The following PACRGL variants were observed in gnomAD, a reference collection of about 807,000 sequenced individuals.
PACRGL encodes PACRG-like protein.
In PACRGL, 38 loss-of-function variants were observed where a neutral mutation model predicts 34.5. That is an observed-to-expected ratio of 1.10 (90% confidence interval 0.85 to 1.44). The LOEUF is 1.44. Among genes scored for constraint, PACRGL ranks in the 40% most tolerant of loss-of-function variants. PACRGL has a pLI of 0.00. For synonymous variants in PACRGL, 128 were observed against 100.1 expected, an observed-to-expected ratio of 1.28 and a Z score of -1.66; for missense variants, 305 against 281.4, an observed-to-expected ratio of 1.08 and a Z score of -0.60.
At chr4:20,710,871 T>C (rs183511766) in intron 5 of PACRGL, among the ~76,000 whole-genome samples, 196 of 152,244 alleles carry the variant, frequency 1.3e-3, no homozygotes, top group African/African-American at 4.2e-3. Flanking sequence ...GTAGCCTATT[T>C]TGAAATTCAG....
chr4:20,732,273 A>C lies in PACRGL; in HGVS notation c.*4932A>C, dbSNP rs577775522. On this transcript the variant is annotated 3_prime_UTR_variant, in exon 9 of 9. Transcript: ENST00000503585. ...TTCTGGCTTTTCCCTTTTCAATATA[A>C]TGTGGTGAAGATGTAGAGTCACTCT... Among the ~76,000 whole-genome samples the C allele has an allele frequency of 3.2e-4, 48 of 152,274 alleles. No individual in the cohort carries two copies. In the South Asian group the frequency reaches 9.7e-3, roughly 31 times the overall value.
rs1161884614 is a variant in PACRGL, at chr4:20,743,844, T to C, written c.*57-8721T>C. On this transcript the variant is annotated intron_variant, in intron 8 of 8. Coordinates refer to the PACRGL transcript ENST00000507634. ...CAGAGTGAACAGGCAACCTACAAAA[T>C]GGGAGAAAATTTTCGCAACCTACTC... Among the ~76,000 whole-genome samples, 3 of 151,110 alleles carry C rather than the reference T, an allele frequency of 2.0e-5. No homozygotes were observed. In the East Asian group the frequency reaches 5.8e-4, roughly 29 times the overall value.
chr4:20,699,743 A>G (rs1731515487), upstream of PACRGL, among the ~76,000 whole-genome samples: 2 of 152,184 alleles, frequency 1.3e-5, no homozygotes, highest in African/African-American at 4.8e-5. Context: ...AACTATGACA[A>G]CCCAAATTGT....
In PACRGL at chr4:20,728,605, G is replaced by A. The variant is rs1040059553; in HGVS notation, c.*1264G>A. On this transcript the variant is annotated 3_prime_UTR_variant, in exon 9 of 9. Transcript: ENST00000503585. ...TTGGAAAAGACCTGTAACATAGACA[G>A]TAGAGTTATAAACATTTTATTTTGC... 6.6e-6 allele frequency: 1 copy of A among 152,562 alleles called. No individual in the cohort carries two copies. The highest frequency in any genetic ancestry group is 2.4e-5 in the African/African-American group (1 of 41,444). 9.5% of individuals were successfully genotyped at this position (152,562 alleles called of 1,614,324 possible).
downstream of PACRGL, chr4:20,732,676 C>A (rs1004714378): frequency 6.3e-7 from 1 of 1,593,968 alleles, no homozygotes; most frequent in African/African-American, 1.3e-5. Flanking sequence ...TGTTTTAATT[C>A]CTACCTGAAA....
the PACRGL span, among the ~76,000 whole-genome samples, chr4:20,761,489 G>A: frequency 1.3e-5 from 2 of 152,156 alleles, no homozygotes; most frequent in Non-Finnish European, 2.9e-5. Context: ...CTCACACATG[G>A]AAATTGTGAT....
Position 20,732,106 on chromosome 4 carries a change from T to C in PACRGL, c.*4765T>C, listed in dbSNP as rs759695011. ...AAAACAAAAATTGTATTTAGACTTA[T>C]CCCTTAATACCCTCACACCTGGACC... On this transcript the variant is annotated 3_prime_UTR_variant, in exon 9 of 9. Transcript: ENST00000503585. 7.1e-6 allele frequency: 10 copies of C among 1,402,966 alleles called. No individual in the cohort carries two copies. Among genetic ancestry groups the C allele is most frequent in the East Asian group, 2.3e-5 (1 of 43,822 alleles). The allele number at this position is 1,402,966 out of a possible 1,614,324, so 86.9% of individuals were successfully genotyped here. A position where few individuals can be genotyped will look rare whatever the true frequency, so the allele number is the denominator to read the frequency against.
chr4:20,750,286 AACCAGGCTAGCCCTCAGCCAGT>A (rs1211434509), intron 8 of PACRGL, among the ~76,000 whole-genome samples: 1 of 152,086 alleles, frequency 6.6e-6, no homozygotes, highest in Non-Finnish European at 1.5e-5. Flanking sequence ...TGACTCTGAG[AACCAGGCTAGCCCTCAGCCAGT>A]ACCAGGCTAG....
At chr4:20,736,329 C>G (rs1191541671), downstream of PACRGL, among the ~76,000 whole-genome samples, 2 of 151,928 alleles carry the variant, frequency 1.3e-5, no homozygotes, top group African/African-American at 2.4e-5. Context: ...CCAAATTGTT[C>G]TTTTACATTT....
chr4:20,736,301 A>G (rs188468939), downstream of PACRGL, among the ~76,000 whole-genome samples: 354 of 152,328 alleles, frequency 2.3e-3, 8 homozygotes, highest in South Asian at 0.046. Flanking sequence ...ATATGTAAAT[A>G]CATCGTAGTT....
Position 20,717,105 on chromosome 4 carries a change from G to A in PACRGL, c.609+3566G>A, listed in dbSNP as rs556552946. ...CCAGTGATGATGAGCATTTTTTCAT[G>A]TGTCTGTTGGCTGCATAAATGTCTT... On this transcript the variant is annotated intron_variant, in intron 7 of 8. Transcript: ENST00000503585. 4.1e-4 allele frequency among the ~76,000 whole-genome samples: 63 copies of A among 152,250 alleles called. 3 individuals carry two copies. In the South Asian group the frequency reaches 0.012, roughly 30 times the overall value.
chr4:20,729,238 G>GATAGATAT lies in PACRGL; in HGVS notation c.*1898_*1905dup, dbSNP rs1309484823. ...TATTAAGCATTACTATATACTGGAG[G>GATAGATAT]ATAGATATCCTGACCCTTTGCATAT... On this transcript the variant is annotated 3_prime_UTR_variant, in exon 9 of 9. Transcript: ENST00000503585. 1 of 151,970 alleles carries GATAGATAT rather than the reference G, an allele frequency of 6.6e-6. No individual in the cohort carries two copies. Among genetic ancestry groups the GATAGATAT allele is most frequent in the Non-Finnish European group, 1.5e-5 (1 of 67,994 alleles). 9.4% of individuals were successfully genotyped at this position (151,970 alleles called of 1,614,324 possible). A position where few individuals can be genotyped will look rare whatever the true frequency, so the allele number is the denominator to read the frequency against.
At chr4:20,765,787 A>G in the PACRGL span, among the ~76,000 whole-genome samples, 2 of 152,164 alleles carry the variant, frequency 1.3e-5, no homozygotes, top group Non-Finnish European at 2.9e-5. Flanking sequence ...TTTTCTTTGC[A>G]ATATAACTGC....
intron 3 of PACRGL, among the ~76,000 whole-genome samples, chr4:20,706,826 A>G (rs985431735): frequency 5.3e-5 from 8 of 152,128 alleles, no homozygotes; most frequent in African/African-American, 1.9e-4. Context: ...CACCCGCCTC[A>G]GCCTCCCAAA....
rs1037844379 is a variant in PACRGL, at chr4:20,713,687, G to A, written c.609+148G>A. The A allele has an allele frequency of 1.8e-5, 10 of 570,826 alleles. No homozygotes were observed. In the East Asian group the frequency reaches 1.9e-4, roughly 11 times the overall value. 35.4% of individuals were successfully genotyped at this position (570,826 alleles called of 1,614,324 possible). A position where few individuals can be genotyped will look rare whatever the true frequency, so the allele number is the denominator to read the frequency against. ...CTTTGAATGTGTCCCAGAGATTCTG[G>A]TATGTTGTGTCTTTGTTCTCGTTGG... On this transcript the variant is annotated intron_variant, in intron 7 of 8. Transcript: ENST00000503585.
the PACRGL span, among the ~76,000 whole-genome samples, chr4:20,765,524 C>G: frequency 6.6e-6 from 1 of 152,138 alleles, no homozygotes; most frequent in East Asian, 1.9e-4. Context: ...TTTAGTGTAA[C>G]AAGAACCTCC....
rs116533880 is a variant in PACRGL, at chr4:20,747,372, G to C, written c.*57-5193G>C. ...TGAACTATATTAGGTAAAACCTTTG[G>C]CTTCTATATTATAGATAAATTAAGA... On this transcript the variant is annotated intron_variant, in intron 8 of 8. Coordinates refer to the PACRGL transcript ENST00000507634. 3.9e-3 allele frequency among the ~76,000 whole-genome samples: 597 copies of C among 152,204 alleles called. 6 individuals are homozygous for C. The highest frequency in any genetic ancestry group is 0.013 in the African/African-American group (560 of 41,514).
intron 1 of PACRGL, chr4:20,701,606 A>G (rs1732195712): frequency 3.5e-6 from 1 of 288,668 alleles, no homozygotes; most frequent in Non-Finnish European, 7.0e-6. Context: ...CAAGGATAAG[A>G]TTTTTAAAGC....
downstream of PACRGL, among the ~76,000 whole-genome samples, chr4:20,737,207 G>A (rs1038461993): frequency 5.3e-5 from 8 of 152,190 alleles, no homozygotes; most frequent in Admixed American, 5.2e-4. Context: ...GTACAGAGAG[G>A]AGAAGCTGGC....
Sources: gnomAD v4.1 joint callset for allele counts (sites outside exome capture counted in the v4.1 genomes callset) on GRCh38, gnomAD v4.1.1 for gene constraint, MANE v1.5 for transcripts, NCBI Gene and HGNC (gene_info 2026-07-23, HGNC 2026-07-21) for gene names.